Variants in STIM1 observed in about 807,000 individuals in gnomAD.
The protein encoded by STIM1 is stromal interaction molecule 1.
STIM1 carries 25 observed loss-of-function variants against 74.7 expected under a neutral mutation model. The ratio of observed to expected loss-of-function variants is 0.33; its 90% CI spans 0.24 to 0.47. STIM1 has a LOEUF of 0.47. Ranked by LOEUF, STIM1 falls within the 20% of genes least tolerant of loss-of-function variation. The pLI, the probability that STIM1 is intolerant of heterozygous loss-of-function variation, is 1.00. For missense variants in STIM1, 728 were observed against 920.8 expected (o/e 0.79, Z 2.71); for synonymous variants, 328 against 348.8 (o/e 0.94, Z 0.66).
intron 2 of STIM1, among the ~76,000 whole-genome samples, chr11:3,972,151 C>A (rs1369570267): frequency 6.6e-6 from 1 of 152,150 alleles, no homozygotes; most frequent in Non-Finnish European, 1.5e-5. Context: ...TACTCAAGAG[C>A]CTTAGTAGAA....
In STIM1 at chr11:3,855,805, C is replaced by G. The variant is rs1256236890; in HGVS notation, c.-466C>G. ...CCGGAGACGCCCGCGCCCTCAGGAC[C>G]CTGCGGGTCGCACGCCCTCCCCAGC... On this transcript the variant is annotated 5_prime_UTR_variant, in exon 1 of 13. Transcript: ENST00000526596. 10 of 199,572 alleles carry G rather than the reference C, an allele frequency of 5.0e-5. No individual in the cohort carries two copies. In the South Asian group the frequency reaches 6.5e-4, roughly 13 times the overall value. 12.4% of individuals were successfully genotyped at this position (199,572 alleles called of 1,614,324 possible). A position where few individuals can be genotyped will look rare whatever the true frequency, so the allele number is the denominator to read the frequency against.
At chr11:3,914,279 A>G (rs982489724) in intron 1 of STIM1, among the ~76,000 whole-genome samples, 4 of 151,790 alleles carry the variant, frequency 2.6e-5, no homozygotes, top group Non-Finnish European at 4.4e-5. Flanking sequence ...TTCAAGGTCC[A>G]TCTATGTTGC....
intron 11 of STIM1, among the ~76,000 whole-genome samples, chr11:4,085,401 A>C (rs976959824): frequency 6.6e-6 from 1 of 152,146 alleles, no homozygotes; most frequent in Admixed American, 6.5e-5. Context: ...GTGAGCCCAA[A>C]GGGGGATGCA....
At chr11:4,038,641 G>T (rs1184852904) in intron 3 of STIM1, among the ~76,000 whole-genome samples, 1 of 152,098 alleles carries the variant, frequency 6.6e-6, no homozygotes, top group Non-Finnish European at 1.5e-5. Flanking sequence ...TTTGGGAGGG[G>T]TAATTTTAAT....
intron 2 of STIM1, among the ~76,000 whole-genome samples, chr11:4,017,680 G>A (rs2093911273): frequency 6.6e-6 from 1 of 152,244 alleles, no homozygotes; most frequent in East Asian, 1.9e-4. Flanking sequence ...TTCTAGGTTG[G>A]AGCCTATGAG....
chr11:3,914,067 A>G (rs905180860), intron 1 of STIM1, among the ~76,000 whole-genome samples: 2 of 152,154 alleles, frequency 1.3e-5, no homozygotes, highest in African/African-American at 2.4e-5. Context: ...TTTCACCACT[A>G]TTTTAAAACA....
chr11:3,954,983 A>G lies in STIM1; in HGVS notation c.140-12569A>G, dbSNP rs574627067. Among the ~76,000 whole-genome samples the G allele has an allele frequency of 3.1e-4, 47 of 152,366 alleles. 1 individual carries two copies. The highest frequency in any genetic ancestry group is 4.6e-4 in the Admixed American group (7 of 15,312). On this transcript the variant is annotated intron_variant, in intron 1 of 12. Transcript: ENST00000526596. Reference sequence around the variant, plus strand: ...AATAGCTTTATTTGTAAAATAGCCAAAAACTGATGAGTGGATAAACAAGTG... The same window carrying G: ...AATAGCTTTATTTGTAAAATAGCCAGAAACTGATGAGTGGATAAACAAGTG...
At chr11:3,864,376 T>C (rs1197440898) in intron 1 of STIM1, among the ~76,000 whole-genome samples, 1 of 152,226 alleles carries the variant, frequency 6.6e-6, no homozygotes, top group East Asian at 1.9e-4. Flanking sequence ...TACCTCTGGC[T>C]CAGAGTCTCT....
intron 2 of STIM1, among the ~76,000 whole-genome samples, chr11:4,018,324 C>T (rs1391621647): frequency 1.3e-4 from 19 of 149,852 alleles, no homozygotes; most frequent in Non-Finnish European, 2.1e-4. Context: ...CGGTGGCGGG[C>T]GCCTGTAGTC....
rs140488516 is a variant in STIM1 at position 4,059,290 on chromosome 11, C to T, written c.507C>T (p.Val169=). 428 of 1,614,020 alleles carry T rather than the reference C, an allele frequency of 2.7e-4. 1 individual carries two copies. In the African/African-American group the frequency reaches 5.1e-3, roughly 19 times the overall value. Reference sequence around the variant, plus strand: ...CTCTTTGCCTCAACAGGCTGGCTGTCACCAACACCACCATGACAGGGACTG... The same window carrying T: ...CTCTTTGCCTCAACAGGCTGGCTGTTACCAACACCACCATGACAGGGACTG... ...LSGHAMPRLA[V]TNTTMTGTVL... Residue 169 remains valine (V), a synonymous_variant, in exon 5 of 13, where the codon GTC becomes GTT. Transcript: ENST00000526596.
intron 7 of STIM1, among the ~76,000 whole-genome samples, chr11:4,078,417 G>A (rs1297378375): frequency 6.6e-6 from 1 of 152,026 alleles, no homozygotes; most frequent in African/African-American, 2.4e-5. Flanking sequence ...CATGGGTCCA[G>A]CCCAATTTTC....
At chr11:4,024,422 T>C (rs1357850837) in intron 3 of STIM1, among the ~76,000 whole-genome samples, 2 of 152,194 alleles carry the variant, frequency 1.3e-5, no homozygotes, top group Non-Finnish European at 2.9e-5. Context: ...TCCTCTTCTA[T>C]ACCATCTTGA....
chr11:4,012,849 T>C (rs540218873), intron 2 of STIM1, among the ~76,000 whole-genome samples: 1 of 152,358 alleles, frequency 6.6e-6, no homozygotes, highest in South Asian at 2.1e-4. Context: ...CAGTATTATA[T>C]TGGCTGTGGG....
rs1590628419 is a variant in STIM1, at chr11:3,992,043, A to G, written c.270+24361A>G. Among the ~76,000 whole-genome samples, 3 of 136,748 alleles carry G rather than the reference A, an allele frequency of 2.2e-5. 1 individual carries two copies. Among genetic ancestry groups the G allele is most frequent in the Admixed American group, 7.3e-5 (1 of 13,690 alleles). The allele number at this position is 136,748 out of a possible 152,430, so 89.7% of individuals were successfully genotyped here. The stretch of plus-strand genomic sequence containing the variant: ...TAATTTGCATTCCCATCAACTGTGT[A>G]TAAGTGTTTTCTTTTCTCTGCAGCC... On this transcript the variant is annotated intron_variant, in intron 2 of 12. Coordinates refer to ENST00000526596, the MANE Select transcript of STIM1 (RefSeq NM_001382567.1).
chr11:3,870,200 G>A (rs1177117508), intron 1 of STIM1, among the ~76,000 whole-genome samples: 1 of 152,180 alleles, frequency 6.6e-6, no homozygotes, highest in African/African-American at 2.4e-5. Context: ...AAGTCATACA[G>A]TAACTCCATG....
At chr11:3,975,209 G>C (rs1345070746) in intron 2 of STIM1, among the ~76,000 whole-genome samples, 1 of 152,206 alleles carries the variant, frequency 6.6e-6, no homozygotes, top group African/African-American at 2.4e-5. Context: ...GGTTTTCTCA[G>C]GGTAAAGTGG....
At chr11:3,943,520 TG>T (rs2093036095) in intron 1 of STIM1, among the ~76,000 whole-genome samples, 2 of 152,220 alleles carry the variant, frequency 1.3e-5, no homozygotes, top group African/African-American at 4.8e-5. Flanking sequence ...TTTTTTCTTC[TG>T]GTAAAGCTAT....
intron 1 of STIM1, among the ~76,000 whole-genome samples, chr11:3,902,401 G>A (rs564417698): frequency 8.1e-4 from 123 of 152,260 alleles, no homozygotes; most frequent in Middle Eastern, 3.4e-3. Flanking sequence ...ACCAGGGATC[G>A]GTTTCATGCA....
At chr11:3,958,281 G>A (rs2093242170) in intron 1 of STIM1, among the ~76,000 whole-genome samples, 1 of 152,212 alleles carries the variant, frequency 6.6e-6, no homozygotes, top group African/African-American at 2.4e-5. Flanking sequence ...GGCTGAGGCA[G>A]GAGGATTGCT....
Sources: gnomAD v4.1 joint callset for allele counts (sites outside exome capture counted in the v4.1 genomes callset) on GRCh38, gnomAD v4.1.1 for gene constraint, MANE v1.5 for transcripts, NCBI Gene and HGNC (gene_info 2026-07-23, HGNC 2026-07-21) for gene names.